The following SNX13 variants were observed in gnomAD, a reference collection of about 807,000 sequenced individuals.
SNX13 encodes sorting nexin 13.
SNX13 carries 45 observed loss-of-function variants against 133.6 expected under a neutral mutation model. That is an observed-to-expected ratio of 0.34 (90% CI 0.27 to 0.43). The LOEUF (loss-of-function observed/expected upper bound fraction) is 0.43, where lower values mean the gene tolerates loss of function less well. Ranked by LOEUF, SNX13 falls within the 20% of genes least tolerant of loss-of-function variation. The pLI is 1.00. For missense variants in SNX13, 1,032 were observed against 1,145.1 expected (o/e 0.90, Z 1.43); for synonymous variants, 414 against 373.9 (o/e 1.11, Z -1.24).
chr7:17,813,834 C>A (rs1420055070), intron 20 of SNX13, among the ~76,000 whole-genome samples: 1 of 152,144 alleles, frequency 6.6e-6, no homozygotes, highest in Non-Finnish European at 1.5e-5. Flanking sequence ...AATCCACCCA[C>A]CTCAGCTTCC....
At chr7:17,929,712 T>C (rs1353874209) in intron 1 of SNX13, among the ~76,000 whole-genome samples, 1 of 152,186 alleles carries the variant, frequency 6.6e-6, no homozygotes, top group Non-Finnish European at 1.5e-5. Flanking sequence ...CTACAATCTT[T>C]CCTTTTCATT....
intron 11 of SNX13, among the ~76,000 whole-genome samples, chr7:17,846,012 C>G (rs923422557): frequency 6.6e-6 from 1 of 151,930 alleles, no homozygotes; most frequent in African/African-American, 2.4e-5. Context: ...ATTCCAAAGG[C>G]TAAAAGGGTG....
At chr7:17,904,099 A>T (rs543701228) in intron 1 of SNX13, among the ~76,000 whole-genome samples, 7 of 152,346 alleles carry the variant, frequency 4.6e-5, no homozygotes. Context: ...GGAAGTAGAA[A>T]TAATTTATCT....
At chr7:17,900,584 C>T (rs1193570682) in intron 1 of SNX13, among the ~76,000 whole-genome samples, 2 of 152,190 alleles carry the variant, frequency 1.3e-5, no homozygotes, top group Non-Finnish European at 2.9e-5. Context: ...TCTCTCCCTA[C>T]AGCAAGCACA....
At chr7:17,900,917 G>C (rs1466965843) in intron 1 of SNX13, among the ~76,000 whole-genome samples, 1 of 151,890 alleles carries the variant, frequency 6.6e-6, no homozygotes, top group Non-Finnish European at 1.5e-5. Flanking sequence ...AAATGTACTA[G>C]GTCACATCTA....
At chr7:17,902,267 G>GA (rs1190326062) in intron 1 of SNX13, among the ~76,000 whole-genome samples, 6 of 80,360 alleles carry the variant, frequency 7.5e-5, no homozygotes, top group Admixed American at 1.3e-4. Context: ...TTTTTTTTTA[G>GA]AAAAAAAAGA....
At chr7:17,879,788 A>G (rs1795136873) in intron 5 of SNX13, 1 of 152,216 alleles carries the variant, frequency 6.6e-6, no homozygotes, top group South Asian at 2.1e-4. Flanking sequence ...CTTTGATTCT[A>G]ACAAAAGACT....
chr7:17,830,110 G>A (rs1046306053), intron 15 of SNX13, 63 bp from the exon 16 acceptor site: 1 of 1,248,662 alleles, frequency 8.0e-7, no homozygotes, highest in Admixed American at 2.8e-5. Context: ...CTTTATCTAA[G>A]GTTCAAACAC....
intron 1 of SNX13, among the ~76,000 whole-genome samples, chr7:17,918,574 C>T (rs987383948): frequency 1.3e-5 from 2 of 152,058 alleles, no homozygotes; most frequent in African/African-American, 2.4e-5. Flanking sequence ...TCACATCAGT[C>T]AAAATGACTA....
Position 17,792,218 on chromosome 7 carries a change from T to C in SNX13, c.*1827A>G, listed in dbSNP as rs1036013772. 2 of 151,960 alleles carry C rather than the reference T, an allele frequency of 1.3e-5. No individual in the cohort carries two copies. Among genetic ancestry groups the C allele is most frequent in the Non-Finnish European group, 2.9e-5 (2 of 67,910 alleles). 9.4% of individuals were successfully genotyped at this position (151,960 alleles called of 1,614,324 possible). A position where few individuals can be genotyped will look rare whatever the true frequency, so the allele number is the denominator to read the frequency against. ...GCCATGCTGATGCTTCCTACAGACA[T>C]GTTTCATGTTTCAAACATTTTCACT... On this transcript the variant is annotated 3_prime_UTR_variant, in exon 26 of 26. Transcript: ENST00000428135.
At chr7:17,798,657 A>G (rs1179517937) in intron 24 of SNX13, 33 bp downstream of exon 24, 2 of 1,473,964 alleles carry the variant, frequency 1.4e-6, no homozygotes, top group Non-Finnish European at 1.9e-6. Flanking sequence ...ACTCTGTACT[A>G]CCTGAAAGAA....
chr7:17,889,025 A>T (rs1446524946), intron 5 of SNX13: 1 of 189,086 alleles, frequency 5.3e-6, no homozygotes, highest in African/African-American at 2.4e-5. Context: ...TCCTATTCTC[A>T]CCCTTTCAAA....
chr7:17,831,963 C>CT, intron 15 of SNX13: 1 of 983,804 alleles, frequency 1.0e-6, no homozygotes, highest in South Asian at 4.7e-5. Flanking sequence ...ACTCCATATA[C>CT]TTTTTTTGAA....
Position 17,850,861 on chromosome 7 carries a change from A to G in SNX13, c.941T>C (p.Leu314Ser). Residue 314 changes from leucine (L) to serine (S), a missense_variant, in exon 10 of 26, where the codon TTA becomes TCA. Coordinates refer to ENST00000428135, the MANE Select transcript of SNX13 (RefSeq NM_015132.5). The part of the protein sequence containing the change: ...EAVRDKAAEE[L>S]QYLRSLDTAG... The stretch of plus-strand genomic sequence containing the variant: ...TGTATCTAGAGATCTAAGATACTGT[A>G]ATTCTTCTGCTGCCTTATCTCTGAC... 6.2e-7 allele frequency: 1 copy of G among 1,611,102 alleles called. No homozygotes were observed. The highest frequency in any genetic ancestry group is 1.1e-5 in the South Asian group (1 of 90,698).
chr7:17,813,531 A>C lies in SNX13; in HGVS notation c.2064+1303T>G, dbSNP rs535993379. Among the ~76,000 whole-genome samples the C allele has an allele frequency of 1.2e-4, 19 of 152,162 alleles. No individual in the cohort carries two copies. In the South Asian group the frequency reaches 3.7e-3, roughly 30 times the overall value. On this transcript the variant is annotated intron_variant, in intron 20 of 25. Coordinates refer to ENST00000428135, the MANE Select transcript of SNX13 (RefSeq NM_015132.5). ...TTTGTTTTAAATGTCCAAAAACTGC[A>C]ATTACTTTTGCACCAAACTATACAA...
intron 18 of SNX13, among the ~76,000 whole-genome samples, chr7:17,818,508 T>C (rs746636128): frequency 6.6e-6 from 1 of 152,200 alleles, no homozygotes; most frequent in Non-Finnish European, 1.5e-5. Context: ...ATTTATACTC[T>C]ATATTAACTC....
intron 15 of SNX13, chr7:17,832,487 C>T (rs1271449103): frequency 2.0e-6 from 2 of 983,202 alleles, no homozygotes; most frequent in African/African-American, 3.5e-5. Flanking sequence ...ATCCACTTCA[C>T]AAATACGAAG....
intron 5 of SNX13, among the ~76,000 whole-genome samples, chr7:17,884,282 T>C (rs973932441): frequency 1.3e-5 from 2 of 152,040 alleles, no homozygotes; most frequent in Non-Finnish European, 2.9e-5. Flanking sequence ...TGGCTGAAAA[T>C]AGCTAATTCA....
intron 13 of SNX13, among the ~76,000 whole-genome samples, chr7:17,837,977 C>G (rs749625735): frequency 1.2e-4 from 18 of 151,700 alleles, no homozygotes; most frequent in Admixed American, 1.1e-3. Context: ...CTTTTGGCCT[C>G]GTCAAAGATC....
Sources: allele counts gnomAD v4.1 joint callset (sites outside exome capture counted in the v4.1 genomes callset), GRCh38; gene constraint gnomAD v4.1.1; transcripts MANE v1.5; gene names NCBI Gene and HGNC (gene_info 2026-07-23, HGNC 2026-07-21).